Variants in GRIK2 observed in about 807,000 individuals in gnomAD.
The protein encoded by GRIK2 is glutamate ionotropic receptor kainate type subunit 2.
In GRIK2, 32 loss-of-function variants were observed where a neutral mutation model predicts 100.3. The observed-to-expected ratio is 0.32, with a 90% CI of 0.24 to 0.43. The LOEUF (loss-of-function observed/expected upper bound fraction) is 0.43. Ranked by LOEUF, GRIK2 falls within the 20% of genes least tolerant of loss-of-function variation. The probability of loss-of-function intolerance (pLI) is 1.00; values close to 1 mark genes in which losing one functional copy is unlikely to be tolerated. For missense variants in GRIK2, 843 were observed against 1,114.9 expected, an observed-to-expected ratio of 0.76 and a Z score of 3.47; for synonymous variants, 417 against 389.4, an observed-to-expected ratio of 1.07 and a Z score of -0.83.
chr6:101,588,345 C>G (rs955910289), intron 2 of GRIK2, among the ~76,000 whole-genome samples: 1 of 151,880 alleles, frequency 6.6e-6, no homozygotes, highest in Non-Finnish European at 1.5e-5. Flanking sequence ...GCAAATAGTT[C>G]AAAATGACTG....
chr6:101,410,769 T>G, intron 2 of GRIK2, among the ~76,000 whole-genome samples: 1 of 152,122 alleles, frequency 6.6e-6, no homozygotes, highest in East Asian at 1.9e-4. Context: ...AGCCTGCACA[T>G]GTACCCCTGA....
intron 4 of GRIK2, among the ~76,000 whole-genome samples, chr6:101,660,923 G>A (rs1391998787): frequency 6.6e-6 from 1 of 152,146 alleles, no homozygotes; most frequent in Non-Finnish European, 1.5e-5. Flanking sequence ...CCGCTGCTGG[G>A]AGGTGTCTCC....
chr6:101,965,439 GTC>G (rs1453993667), intron 14 of GRIK2, among the ~76,000 whole-genome samples: 1 of 150,732 alleles, frequency 6.6e-6, no homozygotes, highest in African/African-American at 2.5e-5. Flanking sequence ...AAGTCAGAGA[GTC>G]TATCTTCAGC....
intron 2 of GRIK2, among the ~76,000 whole-genome samples, chr6:101,504,246 A>G (rs1773911230): frequency 6.6e-6 from 1 of 152,132 alleles, no homozygotes; most frequent in African/African-American, 2.4e-5. Context: ...ATGTTTAAAC[A>G]GGGATACTAA....
chr6:101,931,164 A>C (rs1448963187), intron 14 of GRIK2, among the ~76,000 whole-genome samples: 2 of 152,152 alleles, frequency 1.3e-5, no homozygotes, highest in African/African-American at 4.8e-5. Context: ...TTAAGTGTAT[A>C]GTTATTCCAG....
chr6:101,610,829 T>A (rs1228779332), intron 2 of GRIK2, among the ~76,000 whole-genome samples: 1 of 151,784 alleles, frequency 6.6e-6, no homozygotes, highest in Non-Finnish European at 1.5e-5. Context: ...TACCTTCAAA[T>A]AGTTGGTATT....
chr6:101,699,206 C>T (rs1772704164), intron 7 of GRIK2, among the ~76,000 whole-genome samples: 1 of 152,102 alleles, frequency 6.6e-6, no homozygotes, highest in South Asian at 2.1e-4. Context: ...GAAAATATGG[C>T]AGTCAAATGG....
At chr6:101,739,868 G>A (rs556703355) in intron 7 of GRIK2, among the ~76,000 whole-genome samples, 5 of 152,120 alleles carry the variant, frequency 3.3e-5, no homozygotes, top group Admixed American at 6.5e-5. Context: ...GGCCTAACCC[G>A]AAAAGTATAA....
chr6:101,474,272 A>G (rs1045845907), intron 2 of GRIK2, among the ~76,000 whole-genome samples: 1 of 151,906 alleles, frequency 6.6e-6, no homozygotes, highest in African/African-American at 2.4e-5. Flanking sequence ...TGAGATGTAT[A>G]TATTTAAAAT....
intron 2 of GRIK2, among the ~76,000 whole-genome samples, chr6:101,605,525 TAAAA>T (rs1246137701): frequency 1.3e-5 from 2 of 152,072 alleles, no homozygotes; most frequent in East Asian, 1.9e-4. Context: ...GTATTTAAAA[TAAAA>T]AAAGCTTAAA....
At chr6:101,416,091 T>TGG (rs2128239123) in intron 2 of GRIK2, among the ~76,000 whole-genome samples, 1 of 152,286 alleles carries the variant, frequency 6.6e-6, no homozygotes, top group East Asian at 1.9e-4. Context: ...TTCCAGGTCT[T>TGG]ATCCTGTCTC....
intron 7 of GRIK2, among the ~76,000 whole-genome samples, chr6:101,788,179 T>G (rs1182801205): frequency 6.6e-6 from 1 of 152,102 alleles, no homozygotes; most frequent in African/African-American, 2.4e-5. Context: ...TCTGTCTATA[T>G]GTGTCTTTAC....
At chr6:101,591,510 G>T (rs1479825867) in intron 2 of GRIK2, among the ~76,000 whole-genome samples, 1 of 151,608 alleles carries the variant, frequency 6.6e-6, no homozygotes. Flanking sequence ...CTTCTTTATG[G>T]GGAAGTTATT....
At chr6:101,777,600 T>A (rs1310907016) in intron 7 of GRIK2, among the ~76,000 whole-genome samples, 2 of 152,236 alleles carry the variant, frequency 1.3e-5, no homozygotes, top group East Asian at 3.8e-4. Flanking sequence ...GGGATTTTTT[T>A]TTATTATTTT....
intron 4 of GRIK2, among the ~76,000 whole-genome samples, chr6:101,631,267 C>T (rs1401702369): frequency 6.6e-6 from 1 of 152,082 alleles, no homozygotes; most frequent in Non-Finnish European, 1.5e-5. Context: ...GGCTAGATGA[C>T]AGCTTGTAAG....
chr6:101,826,476 A>G (rs1782340041), intron 10 of GRIK2, among the ~76,000 whole-genome samples: 1 of 151,992 alleles, frequency 6.6e-6, no homozygotes, highest in South Asian at 2.1e-4. Context: ...ATACTCAAGT[A>G]TGTATGGAGA....
At chr6:102,067,726 G>A (rs897917917) in intron 16 of GRIK2, among the ~76,000 whole-genome samples, 3 of 151,926 alleles carry the variant, frequency 2.0e-5, no homozygotes, top group Middle Eastern at 6.8e-3. Flanking sequence ...GTTTGTAGAT[G>A]TCTAACATGC....
chr6:101,528,785 G>A (rs1295120006), intron 2 of GRIK2, among the ~76,000 whole-genome samples: 1 of 152,150 alleles, frequency 6.6e-6, no homozygotes. Context: ...ATTATGATAT[G>A]TCCAGAAACC....
At chr6:101,572,064 C>G (rs969165007) in intron 2 of GRIK2, among the ~76,000 whole-genome samples, 1 of 152,050 alleles carries the variant, frequency 6.6e-6, no homozygotes, top group Non-Finnish European at 1.5e-5. Context: ...ATTCTCAACA[C>G]TGTTGATCTT....
Sources: gnomAD v4.1 joint callset for allele counts (sites outside exome capture counted in the v4.1 genomes callset) on GRCh38, gnomAD v4.1.1 for gene constraint, MANE v1.5 for transcripts, NCBI Gene and HGNC (gene_info 2026-07-23, HGNC 2026-07-21) for gene names.